The following NBPF12 variants were observed in gnomAD, a reference collection of about 807,000 sequenced individuals.
NBPF12 encodes the protein NBPF member 12, also known as NBPF family member NBPF12.
NBPF12 carries 115 observed loss-of-function variants against 146.4 expected under a neutral mutation model. That is an observed-to-expected ratio of 0.79 (90% CI 0.68 to 0.92). The LOEUF is 0.92. Among genes scored for constraint, NBPF12 ranks in the 40% least tolerant of loss-of-function variants. The pLI is 0.00. For missense variants in NBPF12, 1,205 were observed against 1,326.8 expected (o/e 0.91, Z 1.43); for synonymous variants, 385 against 508.9 (o/e 0.76, Z 3.28).
intron 12 of NBPF12, 87 bp downstream of exon 15, chr1:146,970,806 C>A: frequency 8.7e-7 from 1 of 1,156,060 alleles, no homozygotes; most frequent in Non-Finnish European, 1.3e-6. Context: ...CTATGATGGG[C>A]CAAAAGCCCG....
intron 2 of NBPF12, among the ~76,000 whole-genome samples, chr1:146,957,919 G>T (rs1655671136): frequency 1.8e-5 from 2 of 113,040 alleles, no homozygotes; most frequent in Admixed American, 9.7e-5. Context: ...GTATATACAC[G>T]TATATAATAT....
chr1:146,977,986 C>G (rs1167624707), intron 18 of NBPF12, among the ~76,000 whole-genome samples: 1 of 151,954 alleles, frequency 6.6e-6, no homozygotes, highest in Non-Finnish European at 1.5e-5. Context: ...AGTCATCTGT[C>G]CATGAACAAT....
chr1:146,954,389 CAAAAAAAAAA>C (rs1170420550), intron 2 of NBPF12, among the ~76,000 whole-genome samples: 4 of 24,028 alleles, frequency 1.7e-4, no homozygotes, highest in Admixed American at 6.9e-4. Context: ...GACTCTGTCT[CAAAAAAAAAA>C]AAAAAAAAAA....
In NBPF12 at chr1:146,954,252, G is replaced by A. The variant is rs1299405545; in HGVS notation, c.-184+2763G>A. 1.5e-4 allele frequency among the ~76,000 whole-genome samples: 22 copies of A among 144,410 alleles called. No homozygotes were observed. In the East Asian group the frequency reaches 3.6e-3, roughly 24 times the overall value. 94.7% of individuals were successfully genotyped at this position (144,410 alleles called of 152,430 possible). A position where few individuals can be genotyped will look rare whatever the true frequency, so the allele number is the denominator to read the frequency against. The stretch of plus-strand genomic sequence containing the variant: ...TAAAAATACAAAAAATTAGCTAGGC[G>A]TGGTGGCATGTGCCTGTAGTCCAGC... On this transcript the variant is annotated intron_variant, in intron 2 of 33. Transcript: ENST00000617844.
chr1:146,960,357 G>A (rs1473602236), intron 4 of NBPF12, 39 bp downstream of exon 7: 3 of 1,486,264 alleles, frequency 2.0e-6, no homozygotes, highest in Non-Finnish European at 2.8e-6. Flanking sequence ...AGTGATGAAT[G>A]ATGTCCTGTC....
At chr1:146,974,142 C>A (rs1553886989) in intron 14 of NBPF12, among the ~76,000 whole-genome samples, 1 of 150,126 alleles carries the variant, frequency 6.7e-6, no homozygotes, top group East Asian at 1.9e-4. Context: ...CTTCATTCTG[C>A]TGTTTCTAAA....
rs1204887837 is a variant in NBPF12 at position 146,986,167 on chromosome 1, T to C, written c.2892-185T>C. ...TCTCTCTCTCTCCCTCTCCCTGTCT[T>C]CTCTTTCATTCTTTTCTACCTGGCC... is the stretch of plus-strand genomic sequence containing the variant. On this transcript the variant is annotated intron_variant, in intron 23 of 33. Coordinates refer to ENST00000617844, the Ensembl canonical transcript of NBPF12. Among the ~76,000 whole-genome samples the C allele has an allele frequency of 2.7e-5, 4 of 146,596 alleles. No homozygotes were observed. In the East Asian group the frequency reaches 8.3e-4, roughly 30 times the overall value.
chr1:146,964,280 T>G, intron 6 of NBPF12, 77 bp from the exon 10 acceptor site: 2 of 1,586,644 alleles, frequency 1.3e-6, no homozygotes, highest in East Asian at 4.5e-5. Context: ...GATGTTCATG[T>G]CTCTGTGCAC....
intron 2 of NBPF12, among the ~76,000 whole-genome samples, chr1:146,952,371 A>G (rs1236206877): frequency 1.8e-4 from 28 of 152,176 alleles, no homozygotes; most frequent in African/African-American, 6.5e-4. Flanking sequence ...ATCGTCCCTC[A>G]GCCTGGCAGT....
intron 11 of NBPF12, 60 bp from the exon 15 acceptor site, chr1:146,970,587 C>G: frequency 2.6e-6 from 4 of 1,561,234 alleles, no homozygotes; most frequent in Admixed American, 3.3e-5. Flanking sequence ...GCACGTTGGG[C>G]TGACTGTGCT....
At chr1:146,986,091 C>A (rs1570892635) in intron 23 of NBPF12, among the ~76,000 whole-genome samples, 5 of 151,912 alleles carry the variant, frequency 3.3e-5, no homozygotes, top group Non-Finnish European at 1.5e-5. Context: ...TGTCCTTTGA[C>A]CCCTTCATCA....
At chr1:146,981,423 GC>G (rs1657384368) in intron 19 of NBPF12, among the ~76,000 whole-genome samples, 1 of 150,990 alleles carries the variant, frequency 6.6e-6, no homozygotes, top group African/African-American at 2.4e-5. Flanking sequence ...CAAGAGATCT[GC>G]TGCTAGTCTG....
At chr1:146,949,170 GT>G (rs1414260841), upstream of NBPF12, 2,871 of 152,748 alleles carry the variant, frequency 0.019, 110 homozygotes, top group African/African-American at 0.065. Context: ...CTCCGTATGC[GT>G]TCAGCATACG....
Position 146,964,838 on chromosome 1 carries a change from G to A in NBPF12, c.567-55G>A, listed in dbSNP as rs1264585210. The A allele has an allele frequency of 3.1e-6, 5 of 1,590,992 alleles. No individual in the cohort carries two copies. In the African/African-American group the frequency reaches 4.1e-5, roughly 13 times the overall value. ...TCAAAACCAGCTAGGACTCCCTGGG[G>A]TCCAATCCCTCTGTGTTTAATCTTC... On this transcript the variant is annotated intron_variant, in intron 7 of 33. Coordinates refer to ENST00000617844, the Ensembl canonical transcript of NBPF12.
At chr1:146,974,490 TTGTGG>T (rs1188935392) in intron 14 of NBPF12, among the ~76,000 whole-genome samples, 2 of 123,950 alleles carry the variant, frequency 1.6e-5, no homozygotes, top group Middle Eastern at 3.7e-3. Flanking sequence ...CTCCACTTCG[TTGTGG>T]TTGAATCATC....
intron 19 of NBPF12, among the ~76,000 whole-genome samples, chr1:146,980,781 T>TCAAATG (rs1657322040): frequency 6.9e-6 from 1 of 145,072 alleles, no homozygotes; most frequent in Non-Finnish European, 1.5e-5. Context: ...CATTACTGGG[T>TCAAATG]GTATACCCAA....
chr1:146,945,062 C>A (rs1457704237), upstream of NBPF12, among the ~76,000 whole-genome samples: 3 of 129,076 alleles, frequency 2.3e-5, no homozygotes, highest in Non-Finnish European at 5.0e-5. Flanking sequence ...CTCCCTCCCT[C>A]CCTTCTTTTC....
upstream of NBPF12, among the ~76,000 whole-genome samples, chr1:146,944,861 T>C (rs1471037153): frequency 1.3e-5 from 2 of 149,432 alleles, no homozygotes. Flanking sequence ...TCTCATTCTT[T>C]CCCTCCCTCC....
intron 2 of NBPF12, among the ~76,000 whole-genome samples, 200 bp downstream of exon 2, chr1:146,943,762 T>A (rs13375081): frequency 0.043 from 6,503 of 151,800 alleles, 558 homozygotes; most frequent in African/African-American, 0.15. Context: ...AGTGCCATGG[T>A]CGGGTGAAAG....
Sources: gnomAD v4.1 joint callset for allele counts (sites outside exome capture counted in the v4.1 genomes callset) on GRCh38, gnomAD v4.1.1 for gene constraint, MANE v1.5 for transcripts, NCBI Gene and HGNC (gene_info 2026-07-23, HGNC 2026-07-21) for gene names.